FCSK: variants seen among roughly 807,000 people sequenced by gnomAD.
FCSK encodes the protein L-fucose kinase.
FCSK carries 123 observed loss-of-function variants against 122.5 expected under a neutral mutation model. The observed-to-expected ratio is 1.00, with a 90% CI of 0.87 to 1.17. The LOEUF (loss-of-function observed/expected upper bound fraction) is 1.17, where lower values mean the gene tolerates loss of function less well. Among genes scored for constraint, FCSK ranks in the 50% most tolerant of loss-of-function variants. FCSK has a pLI of 0.00. For missense variants in FCSK, 1,366 were observed against 1,450.4 expected (o/e 0.94, Z 0.95); for synonymous variants, 620 against 625.5 (o/e 0.99, Z 0.13).
rs1411956706 is a variant in FCSK, at chr16:70,479,400, C to T, written c.3150C>T (p.Thr1050=). The T allele has an allele frequency of 3.1e-6, 5 of 1,612,146 alleles. No individual in the cohort carries two copies. The highest frequency in any genetic ancestry group is 1.1e-5 in the South Asian group (1 of 90,926). Residue 1050 remains threonine (T), a synonymous_variant, in exon 23 of 24, where the codon ACC becomes ACT. Coordinates refer to ENST00000288078, the MANE Select transcript of FCSK (RefSeq NM_145059.3). ...KEALEAVLAK[T]EGLGNYSIHL... is the part of the protein sequence containing the mutation. ...CCTTGGAGGCGGTGCTGGCCAAGAC[C>T]GAGGTACTGATGGGGCTGGGGTTGG...
In FCSK at chr16:70,471,801, G is replaced by T. The variant is rs528918466; in HGVS notation, c.1341+449G>T. 4.1e-4 allele frequency among the ~76,000 whole-genome samples: 61 copies of T among 148,530 alleles called. 1 individual carries two copies. Among genetic ancestry groups the T allele is most frequent in the African/African-American group, 1.5e-3 (58 of 38,674 alleles). ...GGTTTCGCCATGCTAGTCTGGTTGG[G>T]TGGGGTTGTTGTTTTTTTTTTTTTT... is the stretch of plus-strand genomic sequence containing the variant. On this transcript the variant is annotated intron_variant, in intron 13 of 23. Coordinates refer to ENST00000288078, the MANE Select transcript of FCSK (RefSeq NM_145059.3).
chr16:70,459,447 A>G (rs983566561), intron 1 of FCSK, among the ~76,000 whole-genome samples: 4 of 152,122 alleles, frequency 2.6e-5, no homozygotes, highest in African/African-American at 7.2e-5. Flanking sequence ...TGAGGCAGGG[A>G]GAATTGCTTG....
At position 70,468,820 on chromosome 16, in the gene FCSK, A is replaced by G. The variant is rs376688040; in HGVS notation, c.664-29A>G. ...ACCAGGGCCTGGTCCAGGGCCCTCC[A>G]TCTCTGATCCTTTTGGGGTCCCTTC... is the stretch of plus-strand genomic sequence containing the variant. On this transcript the variant is annotated intron_variant, in intron 8 of 23. Coordinates refer to ENST00000288078, the MANE Select transcript of FCSK (RefSeq NM_145059.3). The G allele has an allele frequency of 2.5e-6, 4 of 1,613,268 alleles. No individual in the cohort carries two copies. The African/African-American group carries it at 5.3e-5, about 22-fold the overall frequency.
At position 70,469,250 on chromosome 16, in the gene FCSK, A is replaced by G. The variant is rs770344223; in HGVS notation, c.882A>G (p.Ala294=). Residue 294 remains alanine (A), a synonymous_variant, in exon 10 of 24, where the codon GCA becomes GCG. Coordinates refer to ENST00000288078, the MANE Select transcript of FCSK (RefSeq NM_145059.3). ...CCCCAGAGTTGGGGCAAGGCGATGC[A>G]GATGTAGCGGGTTATCTGCAGAGCG... ...GRPPELGQGD[A]DVAGYLQSAR... is the part of the protein sequence containing the mutation. 175 of 1,613,754 alleles carry G rather than the reference A, an allele frequency of 1.1e-4. No individual in the cohort carries two copies. The highest frequency in any genetic ancestry group is 1.4e-4 in the Non-Finnish European group (165 of 1,180,016).
intron 5 of FCSK, 54 bp from the exon 6 acceptor site, chr16:70,466,828 C>A: frequency 1.3e-6 from 2 of 1,504,810 alleles, no homozygotes; most frequent in Non-Finnish European, 9.2e-7. Context: ...AAGGAGGGGG[C>A]AGGTGAAGGC....
rs757425138 is a variant in FCSK, at chr16:70,473,010, G to A, written c.1434G>A (p.Thr478=). 1.7e-5 allele frequency: 27 copies of A among 1,599,246 alleles called. No homozygotes were observed. The Admixed American group carries it at 2.4e-4, about 14-fold the overall frequency. ...VRAWDLWDPE[T]LPAEYCLPSA... is the part of the protein sequence containing the mutation. ...CCTGGGACCTGTGGGACCCTGAGAC[G>A]CTGCCCGCAGAGTACTGCCTTCCCA... The change falls in exon 15 of 24, where the codon ACG becomes ACA. Residue 478 remains threonine (T), a synonymous_variant. Transcript: ENST00000288078. The surrounding 1 kb of genome is among the most constrained non-coding windows in gnomAD (Gnocchi z 4.9).
At chr16:70,467,743 G>T in intron 7 of FCSK, 143 bp from the exon 8 acceptor site, 1 of 705,296 alleles carries the variant, frequency 1.4e-6, no homozygotes, top group South Asian at 1.7e-5. Context: ...GAAATCTCAG[G>T]CCCCCCCTGA....
chr16:70,474,442 C>T, intron 16 of FCSK, 86 bp from the exon 17 acceptor site: 1 of 1,546,684 alleles, frequency 6.5e-7, no homozygotes, highest in Non-Finnish European at 8.7e-7. Flanking sequence ...CCCTTGGGTA[C>T]CCCGGGACAG....
At chr16:70,474,467 C>T in intron 16 of FCSK, 61 bp from the exon 17 acceptor site, 2 of 1,546,272 alleles carry the variant, frequency 1.3e-6, no homozygotes, top group Non-Finnish European at 1.7e-6. Flanking sequence ...GTCCCCAAAG[C>T]CAGGCAATCT....
intron 22 of FCSK, 36 bp from the exon 23 acceptor site, chr16:70,479,144 G>A: frequency 1.3e-6 from 2 of 1,506,208 alleles, no homozygotes; most frequent in Non-Finnish European, 1.8e-6. Flanking sequence ...TGAGTATCTT[G>A]GCCCAGGCAC....
At chr16:70,462,789 C>T (rs1462900036) in intron 1 of FCSK, among the ~76,000 whole-genome samples, 1 of 151,624 alleles carries the variant, frequency 6.6e-6, no homozygotes, top group Non-Finnish European at 1.5e-5. Context: ...GGATTACAGG[C>T]ATGCCCCGCC....
At position 70,463,223 on chromosome 16, in the gene FCSK, C is replaced by G. The variant is rs1201920210; in HGVS notation, c.33C>G (p.Val11=). The G allele has an allele frequency of 6.2e-7, 1 of 1,613,960 alleles. No homozygotes were observed. Among genetic ancestry groups the G allele is most frequent in the African/African-American group, 1.3e-5 (1 of 74,910 alleles). ...AGCCGAAGGGAGTTGATTGGACAGT[C>G]ATCATCCTGACCTGCCAGTACAAGG... MEQPKGVDWT[V]IILTCQYKDS... Residue 11 remains valine, a synonymous_variant, in exon 2 of 24, where the codon GTC becomes GTG. Transcript: ENST00000288078.
At chr16:70,471,395 T>C in intron 13 of FCSK, 43 bp downstream of exon 13, 1 of 1,507,740 alleles carries the variant, frequency 6.6e-7, no homozygotes, top group South Asian at 1.3e-5. Context: ...TCTTCAGGCT[T>C]TGGGGAGCCC....
intron 3 of FCSK, among the ~76,000 whole-genome samples, chr16:70,464,418 G>A (rs975803026): frequency 1.4e-4 from 22 of 152,236 alleles, no homozygotes; most frequent in Non-Finnish European, 2.2e-4. Context: ...TTGGGAGGCC[G>A]AGGTGGGTGG....
intron 22 of FCSK, chr16:70,478,858 C>G (rs747198103): frequency 7.1e-6 from 5 of 700,928 alleles, no homozygotes; most frequent in Middle Eastern, 4.6e-4. Flanking sequence ...GAAAGGCCCT[C>G]CAGCCCTAAC....
At chr16:70,459,342 G>C (rs1049438860) in intron 1 of FCSK, among the ~76,000 whole-genome samples, 2 of 152,048 alleles carry the variant, frequency 1.3e-5, no homozygotes, top group Non-Finnish European at 2.9e-5. Context: ...TTTGAGACCA[G>C]CCTGGCCAAC....
intron 1 of FCSK, among the ~76,000 whole-genome samples, chr16:70,455,123 G>T (rs2048049479): frequency 6.6e-6 from 1 of 152,206 alleles, no homozygotes; most frequent in Admixed American, 6.5e-5. Flanking sequence ...CAGCAAGTCA[G>T]AGTCCTCCGT....
In FCSK at chr16:70,471,015, G is replaced by A. The variant is rs1031791041; in HGVS notation, c.1113G>A (p.Leu371=). The stretch of plus-strand genomic sequence containing the variant: ...CCGGGAGCTCTGTGGTCAGCTGCCT[G>A]CTGGAGGGCCCTGTCCAGCTGGGTC... ...LAAGSSVVSC[L]LEGPVQLGPG... Residue 371 remains leucine (L), a synonymous_variant, in exon 12 of 24, where the codon CTG becomes CTA. Transcript: ENST00000288078. The A allele has an allele frequency of 1.2e-6, 2 of 1,602,210 alleles. No individual in the cohort carries two copies. The highest frequency in any genetic ancestry group is 8.5e-7 in the Non-Finnish European group (1 of 1,176,262).
intron 3 of FCSK, among the ~76,000 whole-genome samples, chr16:70,464,872 T>A (rs2048369846): frequency 6.6e-6 from 1 of 151,980 alleles, no homozygotes. Context: ...AGTGAGACCC[T>A]GTCTCAAAAC....
Sources: gnomAD v4.1 joint callset for allele counts (sites outside exome capture counted in the v4.1 genomes callset) on GRCh38, gnomAD v4.1.1 for gene constraint, Gnocchi (gnomAD v3.1) non-coding constraint, MANE v1.5 for transcripts, NCBI Gene and HGNC (gene_info 2026-07-23, HGNC 2026-07-21) for gene names.